Variants in CALR3 observed in about 807,000 individuals in gnomAD.
The protein encoded by CALR3 is calreticulin 3.
Under a neutral mutation model 48.7 loss-of-function variants are expected in CALR3, and 39 were observed. The ratio of observed to expected loss-of-function variants is 0.80; its 90% CI spans 0.62 to 1.05. The LOEUF is 1.05. CALR3 is among the 50% of genes least tolerant of loss of function. The probability of loss-of-function intolerance (pLI) is 0.00; values close to 1 mark genes in which losing one functional copy is unlikely to be tolerated. For missense variants in CALR3, 449 were observed against 474.7 expected (o/e 0.95, Z 0.50); for synonymous variants, 185 against 172.7 (o/e 1.07, Z -0.56).
chr19:16,485,245 C>T lies in CALR3; in HGVS notation c.410G>A (p.Cys137Tyr). The T allele has an allele frequency of 6.2e-7, 1 of 1,604,232 alleles. No individual in the cohort carries two copies. Residue 137 changes from cysteine (C) to tyrosine (Y), a missense_variant, in exon 4 of 9, where the codon TGT (cysteine) becomes TAT (tyrosine). Cys to Tyr is a radical substitution (Grantham distance 194). Transcript: ENST00000269881. ...ATGAACTTTCTTGATATCAAATCCA[C>T]AAATATCGGGTCCTACAAAAAAGAT... ...QYYIMFGPDI[C>Y]GFDIKKVHVI... is the part of the protein sequence containing the mutation.
chr19:16,482,721 T>G lies in CALR3; in HGVS notation c.743A>C (p.Asp248Ala), dbSNP rs10411092. Residue 248 changes from aspartate (D) to alanine (A), a missense_variant, in exon 6 of 9, where the codon GAT becomes GCT. By Grantham distance (126) the Asp-to-Ala change is moderately radical. Coordinates refer to ENST00000269881, the MANE Select transcript of CALR3 (RefSeq NM_145046.5). ...SKQSDWNGDL[D>A]GDWPAPMLQK... is the part of the protein sequence containing the mutation. Reference sequence around the variant, plus strand: ...GAGCATCGGCGCTGGCCAGTCCCCATCCAGGTCACCGTTCCAGTCGCTCTG... The same window carrying G: ...GAGCATCGGCGCTGGCCAGTCCCCAGCCAGGTCACCGTTCCAGTCGCTCTG... 6 of 1,614,006 alleles carry G rather than the reference T, an allele frequency of 3.7e-6. No homozygotes were observed. In the South Asian group the frequency reaches 6.6e-5, roughly 18 times the overall value.
At chr19:16,486,831 G>A (rs1177279084) in intron 3 of CALR3, among the ~76,000 whole-genome samples, 4 of 152,018 alleles carry the variant, frequency 2.6e-5, no homozygotes, top group African/African-American at 7.2e-5. Context: ...AATGGCTGGC[G>A]CTGACTCATT....
chr19:16,480,215 A>AG (rs2093378474), intron 8 of CALR3, among the ~76,000 whole-genome samples: 1 of 146,986 alleles, frequency 6.8e-6, no homozygotes, highest in African/African-American at 2.6e-5. Flanking sequence ...AAAAAAAAAA[A>AG]AAAAAAAAAT....
intron 3 of CALR3, among the ~76,000 whole-genome samples, chr19:16,487,294 C>T (rs989700072): frequency 2.0e-5 from 3 of 152,026 alleles, no homozygotes; most frequent in Admixed American, 6.6e-5. Flanking sequence ...GCCTGTCCAA[C>T]ATGGTGAAAC....
At chr19:16,483,136 C>G (rs1482151515) in intron 5 of CALR3, among the ~76,000 whole-genome samples, 1 of 152,188 alleles carries the variant, frequency 6.6e-6, no homozygotes, top group Non-Finnish European at 1.5e-5. Context: ...TTAGCCACCA[C>G]ACCCAGCCAG....
Position 16,482,710 on chromosome 19 carries a change from G to C in CALR3, c.754C>G (p.Pro252Ala). Reference protein sequence around the residue: ...DWNGDLDGDWPAPMLQKPPYQ... With the variant: ...DWNGDLDGDWAAPMLQKPPYQ... ...GGGGGCTTCTGGAGCATCGGCGCTG[G>C]CCAGTCCCCATCCAGGTCACCGTTC... The change falls in exon 6 of 9, where the codon CCA (proline) becomes GCA (alanine). Residue 252 changes from proline to alanine, a missense_variant. Transcript: ENST00000269881. The C allele has an allele frequency of 6.2e-7, 1 of 1,614,036 alleles. No individual in the cohort carries two copies.
At position 16,491,785 on chromosome 19, in the gene CALR3, A is replaced by G. The variant is rs533487545; in HGVS notation, c.194-1215T>C. Among the ~76,000 whole-genome samples the G allele has an allele frequency of 2.6e-5, 4 of 151,998 alleles. No homozygotes were observed. The East Asian group carries it at 8.0e-4, about 30-fold the overall frequency. On this transcript the variant is annotated intron_variant, in intron 2 of 8. Transcript: ENST00000269881. ...GAGTGAGACTCCGTCTCCAAAAAAA[A>G]AAGAATGGATGTGGCTGTGTTCCAG...
At chr19:16,492,603 T>C (rs10419395) in intron 2 of CALR3, among the ~76,000 whole-genome samples, 31,769 of 149,552 alleles carry the variant, frequency 0.21, 3,576 homozygotes, top group African/African-American at 0.31. Flanking sequence ...CGGTGGCTCA[T>C]GCCTGTAATC....
chr19:16,484,097 G>A lies in CALR3; in HGVS notation c.511C>T (p.Leu171=), dbSNP rs752204583. The change falls in exon 5 of 9, where the codon CTG becomes TTG. Residue 171 remains leucine (L), a synonymous_variant. Transcript: ENST00000269881. ...IRCKVDGFTH[L]YTLILRPDLS... ...TCTGGTCTTAAAATTAGAGTGTACA[G>A]GTGTGTGAAGCCATCAACCTGCATA... 1.1e-5 allele frequency: 18 copies of A among 1,613,754 alleles called. No individual in the cohort carries two copies. In the African/African-American group the frequency reaches 1.7e-4, roughly 16 times the overall value.
intron 5 of CALR3, 146 bp downstream of exon 5, chr19:16,483,784 C>T: frequency 1.4e-6 from 1 of 708,296 alleles, no homozygotes; most frequent in Admixed American, 2.2e-5. Flanking sequence ...AGAGATGTGG[C>T]TGGTCTGCAG....
In CALR3 at chr19:16,483,980, A is replaced by C; in HGVS notation, c.628T>G (p.Ser210Ala). Reference sequence around the variant, plus strand: ...TCCCAATCCTTCGATTCTGCCGGGGACGTTTCCTTCTTGAGTGATGTTAAG... The same window carrying C: ...TCCCAATCCTTCGATTCTGCCGGGGCCGTTTCCTTCTTGAGTGATGTTAAG... Reference protein sequence around the residue: ...WNLTSLKKETSPAESKDWEQT... With the variant: ...WNLTSLKKETAPAESKDWEQT... The change falls in exon 5 of 9, where the codon TCC becomes GCC. Residue 210 changes from serine (S) to alanine (A), a missense_variant. Physicochemically the swap from Ser to Ala is moderately conservative, Grantham distance 99. Transcript: ENST00000269881. 1 of 1,613,852 alleles carries C rather than the reference A, an allele frequency of 6.2e-7. No individual in the cohort carries two copies. Among genetic ancestry groups the C allele is most frequent in the Non-Finnish European group, 8.5e-7 (1 of 1,180,000 alleles).
At chr19:16,480,137 G>A (rs949902136) in intron 8 of CALR3, among the ~76,000 whole-genome samples, 1 of 147,472 alleles carries the variant, frequency 6.8e-6, no homozygotes, top group African/African-American at 2.5e-5. Flanking sequence ...GGGAGGTGGA[G>A]GTTGCAGTGC....
intron 2 of CALR3, among the ~76,000 whole-genome samples, chr19:16,492,861 CAAAA>C (rs71178700): frequency 1.6e-5 from 2 of 124,716 alleles, no homozygotes; most frequent in Non-Finnish European, 3.3e-5. Flanking sequence ...GACTCCGTCT[CAAAA>C]AAAAAAAAAA....
chr19:16,479,756 T>TCAAAACAAAA (rs527383415), intron 8 of CALR3, among the ~76,000 whole-genome samples: 7 of 150,988 alleles, frequency 4.6e-5, no homozygotes, highest in Non-Finnish European at 8.8e-5. Flanking sequence ...AAAACCCGTC[T>TCAAAACAAAA]CAAAACAAAA....
At chr19:16,488,229 G>A (rs1190184796) in intron 3 of CALR3, among the ~76,000 whole-genome samples, 2 of 152,090 alleles carry the variant, frequency 1.3e-5, no homozygotes, top group East Asian at 1.9e-4. Context: ...GATAACAGGC[G>A]TGAGCCACCG....
At chr19:16,485,760 T>C (rs1278149786) in intron 3 of CALR3, among the ~76,000 whole-genome samples, 2 of 151,906 alleles carry the variant, frequency 1.3e-5, no homozygotes, top group Non-Finnish European at 2.9e-5. Flanking sequence ...TTTAAGTGAT[T>C]CTCCTGCATC....
Position 16,479,286 on chromosome 19 carries a change from A to G in CALR3, c.1012-12T>C. 1 of 1,613,910 alleles carries G rather than the reference A, an allele frequency of 6.2e-7. No homozygotes were observed. The highest frequency in any genetic ancestry group is 8.5e-7 in the Non-Finnish European group (1 of 1,179,976). On this transcript the variant is annotated splice_polypyrimidine_tract_variant and intron_variant, in intron 8 of 8. Transcript: ENST00000269881. ...TCCCTTTCTGGACCCTGGAGAAAGA[A>G]AGAAAAAACATAAGCCCCACCGGGT... is the stretch of plus-strand genomic sequence containing the variant.
chr19:16,482,296 C>T (rs571228244), intron 7 of CALR3, among the ~76,000 whole-genome samples, 154 bp downstream of exon 7: 10 of 151,984 alleles, frequency 6.6e-5, no homozygotes, highest in South Asian at 2.1e-4. Context: ...GTGGGAGGAT[C>T]GCTTGGGCCT....
At chr19:16,480,470 T>C in intron 8 of CALR3, 144 bp downstream of exon 8, 1 of 654,776 alleles carries the variant, frequency 1.5e-6, no homozygotes, top group Non-Finnish European at 2.8e-6. Flanking sequence ...GAGAATCGCT[T>C]GAACCCGGGA....
Sources: allele counts gnomAD v4.1 joint callset (sites outside exome capture counted in the v4.1 genomes callset), GRCh38; gene constraint gnomAD v4.1.1; transcripts MANE v1.5; gene names NCBI Gene and HGNC (gene_info 2026-07-23, HGNC 2026-07-21).